Variants in LRRC1 observed in about 807,000 individuals in gnomAD.
LRRC1 encodes leucine rich repeat containing 1, also known as leucine-rich repeat-containing protein 1.
A neutral mutation model predicts 69.9 loss-of-function variants in LRRC1; 28 were observed. That is an observed-to-expected ratio of 0.40 (90% CI 0.30 to 0.55). The LOEUF (loss-of-function observed/expected upper bound fraction) is 0.55, where lower values mean the gene tolerates loss of function less well. Ranked by LOEUF, LRRC1 falls within the 20% of genes least tolerant of loss-of-function variation. The pLI is 0.47. For missense variants in LRRC1, 498 were observed against 609.0 expected, an observed-to-expected ratio of 0.82 and a Z score of 1.92; for synonymous variants, 236 against 240.2, an observed-to-expected ratio of 0.98 and a Z score of 0.16.
chr6:53,803,372 C>G (rs1764541907), intron 1 of LRRC1, among the ~76,000 whole-genome samples: 1 of 152,168 alleles, frequency 6.6e-6, no homozygotes, highest in Non-Finnish European at 1.5e-5. Context: ...TATTTTAGGA[C>G]TCTACCCAGG....
intron 2 of LRRC1, among the ~76,000 whole-genome samples, chr6:53,850,643 G>T (rs1308873737): frequency 2.6e-5 from 4 of 152,226 alleles, no homozygotes; most frequent in Non-Finnish European, 4.4e-5. Context: ...GGTTTGCTTT[G>T]CTAGGTGAAA....
intron 11 of LRRC1, among the ~76,000 whole-genome samples, chr6:53,915,120 G>T (rs1278828764): frequency 6.6e-6 from 1 of 152,168 alleles, no homozygotes; most frequent in African/African-American, 2.4e-5. Context: ...GGAGAAAAAG[G>T]TTCAACTGCT....
At chr6:53,827,008 C>T (rs1332394083) in intron 1 of LRRC1, among the ~76,000 whole-genome samples, 1 of 152,078 alleles carries the variant, frequency 6.6e-6, no homozygotes, top group African/African-American at 2.4e-5. Context: ...GTGATCTTAC[C>T]CACTGTTTCC....
chr6:53,815,376 C>T (rs1764922530), intron 1 of LRRC1, among the ~76,000 whole-genome samples: 1 of 152,186 alleles, frequency 6.6e-6, no homozygotes, highest in African/African-American at 2.4e-5. Flanking sequence ...CCATCAGGCA[C>T]GGCATATAGC....
At chr6:53,812,481 G>A (rs1026269060) in intron 1 of LRRC1, among the ~76,000 whole-genome samples, 7 of 150,930 alleles carry the variant, frequency 4.6e-5, no homozygotes, top group Admixed American at 4.6e-4. Flanking sequence ...ACGAGGTCAG[G>A]AGATCGAGAC....
At chr6:53,899,716 G>A (rs1250646719) in intron 7 of LRRC1, 31 bp from the exon 8 acceptor site, 8 of 1,609,804 alleles carry the variant, frequency 5.0e-6, no homozygotes, top group Non-Finnish European at 6.8e-6. Context: ...AGGTTTAAGT[G>A]TGCGTTTATT....
chr6:53,828,388 C>A (rs4580851), intron 1 of LRRC1, among the ~76,000 whole-genome samples: 28,989 of 152,150 alleles, frequency 0.19, 2,997 homozygotes, highest in Middle Eastern at 0.33. Context: ...CTGAGCCAGG[C>A]AGGCTGATGC....
chr6:53,868,135 G>A (rs1766766807), intron 2 of LRRC1, among the ~76,000 whole-genome samples: 1 of 151,696 alleles, frequency 6.6e-6, no homozygotes, highest in Admixed American at 6.6e-5. Flanking sequence ...GTACATAGAT[G>A]GTTATTTAGG....
intron 4 of LRRC1, among the ~76,000 whole-genome samples, chr6:53,895,013 G>A (rs1057122138): frequency 9.2e-5 from 14 of 151,806 alleles, no homozygotes; most frequent in African/African-American, 3.1e-4. Flanking sequence ...CGCCTTCCAG[G>A]TTCATGCCAT....
intron 1 of LRRC1, among the ~76,000 whole-genome samples, chr6:53,804,795 A>G (rs959275329): frequency 2.0e-5 from 3 of 152,250 alleles, no homozygotes; most frequent in African/African-American, 4.8e-5. Context: ...ATCAATGGAT[A>G]TGTACTTTAC....
At chr6:53,850,275 CAT>C (rs1353015862) in intron 2 of LRRC1, among the ~76,000 whole-genome samples, 8 of 152,156 alleles carry the variant, frequency 5.3e-5, no homozygotes, top group Admixed American at 3.3e-4. Context: ...GTGAAAAAGA[CAT>C]GAAAGAAGAA....
chr6:53,896,410 A>G, intron 4 of LRRC1, 88 bp from the exon 5 acceptor site: 4 of 1,090,656 alleles, frequency 3.7e-6, no homozygotes, highest in South Asian at 1.3e-5. Flanking sequence ...AAGTGTTGCA[A>G]CTTGTCCAGT....
intron 1 of LRRC1, among the ~76,000 whole-genome samples, chr6:53,834,677 T>C (rs1228904840): frequency 6.6e-6 from 1 of 152,216 alleles, no homozygotes; most frequent in Non-Finnish European, 1.5e-5. Flanking sequence ...CTACCTCACT[T>C]GGTTATAGAG....
At chr6:53,856,141 G>A (rs1010764980) in intron 2 of LRRC1, among the ~76,000 whole-genome samples, 3 of 152,234 alleles carry the variant, frequency 2.0e-5, no homozygotes, top group Non-Finnish European at 4.4e-5. Flanking sequence ...ATTATGAATA[G>A]CACAGCAAGC....
At chr6:53,870,182 C>G (rs899493816) in intron 2 of LRRC1, among the ~76,000 whole-genome samples, 2 of 152,088 alleles carry the variant, frequency 1.3e-5, no homozygotes, top group Non-Finnish European at 2.9e-5. Context: ...TTTTGTTATC[C>G]TCTGATCGCT....
At chr6:53,806,048 C>G (rs1478173140) in intron 1 of LRRC1, among the ~76,000 whole-genome samples, 3 of 152,168 alleles carry the variant, frequency 2.0e-5, no homozygotes, top group African/African-American at 7.2e-5. Flanking sequence ...TGGTGAAGTA[C>G]TCTTCCCACT....
chr6:53,833,237 A>G (rs1407622664), intron 1 of LRRC1, among the ~76,000 whole-genome samples: 1 of 152,136 alleles, frequency 6.6e-6, no homozygotes, highest in African/African-American at 2.4e-5. Context: ...TCTTTTCTCC[A>G]AGTGATTGCA....
chr6:53,797,145 G>A (rs1364452330), intron 1 of LRRC1, among the ~76,000 whole-genome samples: 5 of 151,596 alleles, frequency 3.3e-5, no homozygotes, highest in Non-Finnish European at 7.4e-5. Flanking sequence ...ATTCAGCTTG[G>A]CATGGGAAAT....
chr6:53,899,960 T>G, intron 8 of LRRC1, 69 bp downstream of exon 8: 2 of 1,478,034 alleles, frequency 1.4e-6, no homozygotes, highest in South Asian at 1.3e-5. Flanking sequence ...GGGGCACACT[T>G]TGATCCTTTG....
Sources: gnomAD v4.1 joint callset for allele counts (sites outside exome capture counted in the v4.1 genomes callset) on GRCh38, gnomAD v4.1.1 for gene constraint, MANE v1.5 for transcripts, NCBI Gene and HGNC (gene_info 2026-07-23, HGNC 2026-07-21) for gene names.